DPP4: variants seen among roughly 807,000 people sequenced by gnomAD.
DPP4 encodes ADCP-2.
Under a neutral mutation model 122.4 loss-of-function variants are expected in DPP4, and 93 were observed. The observed-to-expected ratio is 0.76, with a 90% CI of 0.64 to 0.90. The LOEUF is 0.90. Ranked by LOEUF, DPP4 falls within the 40% of genes least tolerant of loss-of-function variation. The pLI, the probability that DPP4 is intolerant of heterozygous loss-of-function variation, is 0.00. For missense variants in DPP4, 914 were observed against 907.3 expected (o/e 1.01, Z -0.09); for synonymous variants, 321 against 302.9 (o/e 1.06, Z -0.62).
chr2:162,046,012 C>T (rs1684162011), intron 4 of DPP4, among the ~76,000 whole-genome samples: 1 of 151,970 alleles, frequency 6.6e-6, no homozygotes, highest in Non-Finnish European at 1.5e-5. Flanking sequence ...GGTGAGAGGA[C>T]AACAAATTAG....
intron 5 of DPP4, 37 bp downstream of exon 5, chr2:162,045,495 T>C (rs1313443883): frequency 1.4e-6 from 2 of 1,458,396 alleles, no homozygotes; most frequent in Non-Finnish European, 1.9e-6. Flanking sequence ...TACTCTTGGA[T>C]TATTTAAATG....
chr2:162,006,310 A>G (rs1701281438), intron 22 of DPP4, among the ~76,000 whole-genome samples: 1 of 152,176 alleles, frequency 6.6e-6, no homozygotes, highest in Non-Finnish European at 1.5e-5. Flanking sequence ...ATTTATGATC[A>G]TCTATTTCCT....
intron 5 of DPP4, among the ~76,000 whole-genome samples, chr2:162,043,527 G>A (rs942150477): frequency 5.3e-5 from 8 of 152,174 alleles, no homozygotes; most frequent in South Asian, 4.1e-4. Context: ...ATCTCCAACC[G>A]TGGCTGGCCA....
rs201301313 is a variant in DPP4 at position 162,018,698 on chromosome 2, C to T, written c.1420+31G>A. 47 of 1,606,658 alleles carry T rather than the reference C, an allele frequency of 2.9e-5. No individual in the cohort carries two copies. The African/African-American group carries it at 5.6e-4, about 19-fold the overall frequency. ...GCTTCGAAGTGAGTAACAGCGGCGACTGCCCTCCCTCCCAGGGAGCTCAGA... is the reference window on the plus strand; with the variant it reads ...GCTTCGAAGTGAGTAACAGCGGCGATTGCCCTCCCTCCCAGGGAGCTCAGA... On this transcript the variant is annotated intron_variant, in intron 16 of 25. Coordinates refer to ENST00000360534, the MANE Select transcript of DPP4 (RefSeq NM_001935.4).
At chr2:162,061,492 A>T (rs1466855541) in intron 2 of DPP4, among the ~76,000 whole-genome samples, 2 of 152,208 alleles carry the variant, frequency 1.3e-5, no homozygotes, top group African/African-American at 4.8e-5. Flanking sequence ...AAGTAATTTT[A>T]TATCTATTTA....
chr2:162,049,927 G>T (rs549932969), intron 2 of DPP4, among the ~76,000 whole-genome samples: 1 of 152,152 alleles, frequency 6.6e-6, no homozygotes, highest in East Asian at 1.9e-4. Context: ...GTTAAAGAGA[G>T]CTTTAAAAAA....
intron 5 of DPP4, among the ~76,000 whole-genome samples, chr2:162,042,621 T>TAA (rs777356455): frequency 6.4e-5 from 9 of 140,124 alleles, no homozygotes; most frequent in Admixed American, 1.4e-4. Context: ...CTCTTGAAAG[T>TAA]AAAAAAAAAA....
chr2:162,048,357 C>T, intron 2 of DPP4, among the ~76,000 whole-genome samples: 1 of 152,022 alleles, frequency 6.6e-6, no homozygotes, highest in South Asian at 2.1e-4. Context: ...TTAGATTCTC[C>T]CAATTCTCTC....
chr2:162,056,656 T>C (rs67399148), intron 2 of DPP4, among the ~76,000 whole-genome samples: 42,015 of 152,118 alleles, frequency 0.28, 6,640 homozygotes, highest in Non-Finnish European at 0.37. Flanking sequence ...GCAGCAAGGA[T>C]GGTAATAGTC....
In DPP4 at chr2:162,017,126, T is replaced by C. The variant is rs1682953990; in HGVS notation, c.1450A>G (p.Ser484Gly). The C allele has an allele frequency of 6.2e-7, 1 of 1,612,210 alleles. No homozygotes were observed. The highest frequency in any genetic ancestry group is 1.1e-5 in the South Asian group (1 of 90,872). ...AAAATACCTTTATCATTCACGCTGC[T>C]GTGTAGAGTATAGAGGGGCAGACCA... is the stretch of plus-strand genomic sequence containing the variant. ...GPGLPLYTLHSSVNDKGLRVL... is the reference protein window; with the variant it reads ...GPGLPLYTLHGSVNDKGLRVL... The change falls in exon 17 of 26, where the codon AGC becomes GGC. Residue 484 changes from serine (S) to glycine (G), a missense_variant. By Grantham distance (56) the Ser-to-Gly change is moderately conservative. Coordinates refer to ENST00000360534, the MANE Select transcript of DPP4 (RefSeq NM_001935.4).
chr2:162,072,203 T>C (rs546694251), intron 2 of DPP4, among the ~76,000 whole-genome samples: 2 of 152,352 alleles, frequency 1.3e-5, no homozygotes, highest in African/African-American at 4.8e-5. Flanking sequence ...GTAAGCCCTA[T>C]ATTTATCAAT....
chr2:162,037,090 T>A (rs747956176), intron 8 of DPP4, among the ~76,000 whole-genome samples: 1 of 152,252 alleles, frequency 6.6e-6, no homozygotes. Flanking sequence ...ATTGACAATG[T>A]AGTAATTTCC....
chr2:161,994,520 T>G (rs922531093), intron 25 of DPP4, among the ~76,000 whole-genome samples: 3 of 152,216 alleles, frequency 2.0e-5, no homozygotes, highest in Admixed American at 6.5e-5. Context: ...TTGCAAAAAC[T>G]GAAGCATGCT....
At position 162,033,482 on chromosome 2, in the gene DPP4, G is replaced by A. The variant is rs1396305921; in HGVS notation, c.887+59C>T. ...CCACTTTGCCATTCACTTTTGAAAAGTTCTCCCTAGAAAGTGTAAAACTGT... is the reference window on the plus strand; with the variant it reads ...CCACTTTGCCATTCACTTTTGAAAAATTCTCCCTAGAAAGTGTAAAACTGT... On this transcript the variant is annotated intron_variant, in intron 10 of 25. Transcript: ENST00000360534. 5 of 1,376,214 alleles carry A rather than the reference G, an allele frequency of 3.6e-6. No individual in the cohort carries two copies. In the South Asian group the frequency reaches 3.7e-5, roughly 10 times the overall value. 85.3% of individuals were successfully genotyped at this position (1,376,214 alleles called of 1,614,324 possible). A position where few individuals can be genotyped will look rare whatever the true frequency, so the allele number is the denominator to read the frequency against.
chr2:162,029,739 C>T (rs564530528), intron 10 of DPP4, among the ~76,000 whole-genome samples: 15 of 152,090 alleles, frequency 9.9e-5, no homozygotes, highest in Non-Finnish European at 1.8e-4. Context: ...GTGATGAGCC[C>T]CAGAGCCATT....
chr2:162,018,467 G>A (rs1682998951), intron 16 of DPP4, among the ~76,000 whole-genome samples: 1 of 152,220 alleles, frequency 6.6e-6, no homozygotes, highest in Admixed American at 6.5e-5. Flanking sequence ...CAATATGTAT[G>A]TATTTAACGC....
chr2:162,036,460 A>G (rs1044136654), intron 8 of DPP4, among the ~76,000 whole-genome samples: 3 of 152,194 alleles, frequency 2.0e-5, no homozygotes, highest in Admixed American at 6.6e-5. Flanking sequence ...ACAATAACCC[A>G]TTGTATTGAT....
intron 2 of DPP4, among the ~76,000 whole-genome samples, chr2:162,068,685 A>G (rs1255129140): frequency 1.3e-5 from 2 of 152,160 alleles, no homozygotes; most frequent in African/African-American, 4.8e-5. Flanking sequence ...TATTATCCTA[A>G]GTATAATTTA....
chr2:162,050,408 G>A (rs1290031539), intron 2 of DPP4, among the ~76,000 whole-genome samples: 1 of 152,140 alleles, frequency 6.6e-6, no homozygotes, highest in Admixed American at 6.5e-5. Context: ...CACAGTTTTT[G>A]AAAACCCATC....
Sources: allele counts gnomAD v4.1 joint callset (sites outside exome capture counted in the v4.1 genomes callset), GRCh38; gene constraint gnomAD v4.1.1; transcripts MANE v1.5; gene names NCBI Gene and HGNC (gene_info 2026-07-23, HGNC 2026-07-21).